RTN1: variants seen among roughly 807,000 people sequenced by gnomAD.
RTN1 encodes the protein reticulon-1.
In RTN1, 25 loss-of-function variants were observed where a neutral mutation model predicts 65.5. The ratio of observed to expected loss-of-function variants is 0.38; its 90% CI spans 0.28 to 0.53. RTN1 has a LOEUF of 0.53. RTN1 is among the 20% of genes least tolerant of loss of function. RTN1 has a pLI of 0.79. For synonymous variants in RTN1, 471 were observed against 447.6 expected, an observed-to-expected ratio of 1.05 and a Z score of -0.66; for missense variants, 983 against 1,025.4, an observed-to-expected ratio of 0.96 and a Z score of 0.57.
chr14:59,815,684 T>A (rs1251359816), intron 1 of RTN1, among the ~76,000 whole-genome samples: 2 of 152,170 alleles, frequency 1.3e-5, no homozygotes, highest in African/African-American at 2.4e-5. Flanking sequence ...GCCTGGCTCA[T>A]CCCAGTTCTC....
intron 8 of RTN1, among the ~76,000 whole-genome samples, chr14:59,600,604 G>A (rs890434937): frequency 2.0e-5 from 3 of 152,158 alleles, no homozygotes; most frequent in Admixed American, 2.0e-4. Flanking sequence ...ATCCCACCAA[G>A]AAATTTCCTT....
chr14:59,611,586 G>A, intron 3 of RTN1, among the ~76,000 whole-genome samples: 1 of 152,106 alleles, frequency 6.6e-6, no homozygotes, highest in East Asian at 1.9e-4. Context: ...ATCGTGGAGT[G>A]TCTGTTTCTA....
chr14:59,666,626 C>A (rs887047321), intron 3 of RTN1, among the ~76,000 whole-genome samples: 4 of 151,694 alleles, frequency 2.6e-5, no homozygotes, highest in Non-Finnish European at 4.4e-5. Flanking sequence ...CACAGAAAAC[C>A]CTTCAAAAAA....
At chr14:59,749,651 ATATAGATAT>A (rs1885382734) in intron 1 of RTN1, among the ~76,000 whole-genome samples, 1 of 42,122 alleles carries the variant, frequency 2.4e-5, no homozygotes, top group South Asian at 4.7e-4. Flanking sequence ...ATATATATTT[ATATAGATAT>A]CTATATATAT....
rs190848333 is a variant in RTN1, at chr14:59,803,241, C to T, written c.242-56760G>A. On this transcript the variant is annotated intron_variant, in intron 1 of 8. Transcript: ENST00000267484. The surrounding 1 kb of genome is among the most constrained non-coding windows in gnomAD (Gnocchi z 5.6). The stretch of plus-strand genomic sequence containing the variant: ...GGAGAGTTGGTTCCGTACACAACAC[C>T]GAGCTGCGTATGACTTGCCCTGACT... Among the ~76,000 whole-genome samples, 70 of 152,280 alleles carry T rather than the reference C, an allele frequency of 4.6e-4. 2 individuals are homozygous for T. Among genetic ancestry groups the T allele is most frequent in the African/African-American group, 1.5e-3 (61 of 41,554 alleles).
intron 3 of RTN1, among the ~76,000 whole-genome samples, chr14:59,696,894 A>T (rs536573197): frequency 6.6e-6 from 1 of 151,814 alleles, no homozygotes; most frequent in Non-Finnish European, 1.5e-5. Flanking sequence ...CATAGGGGGG[A>T]AAAAAAACAA....
At chr14:59,711,160 CA>C (rs1345314059) in intron 3 of RTN1, among the ~76,000 whole-genome samples, 1 of 152,134 alleles carries the variant, frequency 6.6e-6, no homozygotes, top group Non-Finnish European at 1.5e-5. Flanking sequence ...GCATTCATTG[CA>C]GAAGGTTTTC....
At chr14:59,834,089 A>C (rs761741620) in intron 1 of RTN1, among the ~76,000 whole-genome samples, 5 of 152,220 alleles carry the variant, frequency 3.3e-5, no homozygotes, top group Non-Finnish European at 7.3e-5. Flanking sequence ...TTTTCAATAA[A>C]GGCAATTCAT....
At chr14:59,729,716 A>G (rs1023038828) in intron 2 of RTN1, among the ~76,000 whole-genome samples, 12 of 152,230 alleles carry the variant, frequency 7.9e-5, no homozygotes, top group African/African-American at 2.7e-4. Flanking sequence ...GTCTAGGGAC[A>G]ATAGATTAAG....
chr14:59,662,803 G>A (rs1883280571), intron 3 of RTN1, among the ~76,000 whole-genome samples: 1 of 152,150 alleles, frequency 6.6e-6, no homozygotes. Flanking sequence ...CATGCTCATG[G>A]ATAGGAAGAA....
chr14:59,817,470 G>A (rs928789568), intron 1 of RTN1, among the ~76,000 whole-genome samples: 1 of 152,140 alleles, frequency 6.6e-6, no homozygotes, highest in South Asian at 2.1e-4. Context: ...TCCTGACAAA[G>A]GGGGTGTCCT....
At position 59,745,805 on chromosome 14, in the gene RTN1, T is replaced by C. The variant is rs750353464; in HGVS notation, c.918A>G (p.Ile306Met). ...TQEKTPEKQD[I>M]CLKPSPDTVP... ...CTGTGTCAGGACTTGGCTTTAGACA[T>C]ATATCTTGCTTCTCAGGGGTCTTCT... Residue 306 changes from isoleucine (I) to methionine (M), a missense_variant, in exon 2 of 9, where the codon ATA (isoleucine) becomes ATG (methionine). By Grantham distance (10) the Ile-to-Met change is conservative. Around this residue, in one of 2 missense-constraint regions of RTN1, gnomAD observed 818 missense variants for 801.8 expected, o/e 1.02. Coordinates refer to ENST00000267484, the MANE Select transcript of RTN1 (RefSeq NM_021136.3). 1.2e-6 allele frequency: 2 copies of C among 1,614,056 alleles called. No homozygotes were observed. Among genetic ancestry groups the C allele is most frequent in the South Asian group, 1.1e-5 (1 of 91,050 alleles).
At chr14:59,667,145 A>G (rs966948533) in intron 3 of RTN1, among the ~76,000 whole-genome samples, 3 of 127,834 alleles carry the variant, frequency 2.3e-5, no homozygotes, top group African/African-American at 9.1e-5. Flanking sequence ...AACCTGGCAA[A>G]GACACAACAA....
At chr14:59,861,037 C>T (rs150815172) in intron 1 of RTN1, among the ~76,000 whole-genome samples, 223 of 152,130 alleles carry the variant, frequency 1.5e-3, no homozygotes, top group African/African-American at 4.9e-3. Context: ...AATACTGCAA[C>T]GAGTTAAGAC....
intron 1 of RTN1, among the ~76,000 whole-genome samples, chr14:59,802,375 T>C (rs1189775261): frequency 6.6e-6 from 1 of 152,178 alleles, no homozygotes; most frequent in Non-Finnish European, 1.5e-5. Flanking sequence ...GAAAAATACA[T>C]GGCACTAGGC....
chr14:59,743,973 G>A (rs1025867652), intron 2 of RTN1, among the ~76,000 whole-genome samples: 1 of 152,190 alleles, frequency 6.6e-6, no homozygotes, highest in Non-Finnish European at 1.5e-5. Flanking sequence ...TATGTAGAAA[G>A]TGTTTGTTGC....
At chr14:59,714,780 A>G (rs28529862) in intron 3 of RTN1, among the ~76,000 whole-genome samples, 71,502 of 152,016 alleles carry the variant, frequency 0.47, 18,855 homozygotes, top group African/African-American at 0.71. Flanking sequence ...ATAAACTAGC[A>G]GGTCCCCAAA....
chr14:59,728,249 CTTTTTTTTTTTTT>C (rs200434592), intron 2 of RTN1, among the ~76,000 whole-genome samples: 56,967 of 125,120 alleles, frequency 0.46, 11,681 homozygotes, highest in Middle Eastern at 0.53. Flanking sequence ...GAATCAGTAT[CTTTTTTTTTTTTT>C]TTTTTTTTTT....
rs1270310409 is a variant in RTN1 at position 59,607,435 on chromosome 14, A to C, written c.1823T>G (p.Phe608Cys). 6.2e-6 allele frequency: 10 copies of C among 1,612,832 alleles called. No homozygotes were observed. In the South Asian group the frequency reaches 1.1e-4, roughly 18 times the overall value. ...GGTCAGGGAGAAGAGCAGCAGCAGG[A>C]AACTCCCAAACACGATGCCCGTCTG... ...IKQTGIVFGSFLLLLFSLTQF... is the reference protein window; with the variant it reads ...IKQTGIVFGSCLLLLFSLTQF... The change falls in exon 4 of 9, where the codon TTC becomes TGC. Residue 608 changes from phenylalanine to cysteine, a missense_variant. By Grantham distance (205) the Phe-to-Cys change is radical (BLOSUM62 -2). Transcript: ENST00000267484.
Sources: allele counts gnomAD v4.1 joint callset (sites outside exome capture counted in the v4.1 genomes callset), GRCh38; gene constraint gnomAD v4.1.1; regional missense constraint gnomAD v4.1.1; non-coding constraint Gnocchi (gnomAD v3.1); transcripts MANE v1.5; gene names NCBI Gene and HGNC (gene_info 2026-07-23, HGNC 2026-07-21).